Variants in STAT2 observed in about 807,000 individuals in gnomAD.
STAT2 encodes interferon alpha induced transcriptional activator.
STAT2 carries 51 observed loss-of-function variants against 122.3 expected under a neutral mutation model. The ratio of observed to expected loss-of-function variants is 0.42; its 90% CI spans 0.33 to 0.53. The LOEUF (loss-of-function observed/expected upper bound fraction) is 0.53, where lower values mean the gene tolerates loss of function less well. Ranked by LOEUF, STAT2 falls within the 20% of genes least tolerant of loss-of-function variation. The pLI is 0.10. For missense variants in STAT2, 736 were observed against 1,010.3 expected (o/e 0.73, Z 3.68); for synonymous variants, 351 against 394.9 (o/e 0.89, Z 1.32).
chr12:56,359,921 C>T, intron 1 of STAT2, 137 bp downstream of exon 1: 1 of 424,642 alleles, frequency 2.4e-6, no homozygotes, highest in Non-Finnish European at 3.2e-6. Context: ...ACCGAGCAGG[C>T]GACAGCTCCT....
At chr12:56,346,983 A>G (rs760392464) in intron 19 of STAT2, 28 bp from the exon 20 acceptor site, 3 of 1,608,650 alleles carry the variant, frequency 1.9e-6, no homozygotes, top group Admixed American at 1.7e-5. Flanking sequence ...GCTGTGAGAC[A>G]CCGCCCAACA....
At chr12:56,356,668 AAT>A in intron 1 of STAT2, 90 bp from the exon 2 acceptor site, 1 of 1,465,756 alleles carries the variant, frequency 6.8e-7, no homozygotes, top group Non-Finnish European at 9.1e-7. Context: ...ACTAATTTAA[AAT>A]GTTTAAATTA....
At chr12:56,345,310 T>C (rs1011173333) in intron 22 of STAT2, among the ~76,000 whole-genome samples, 1 of 147,200 alleles carries the variant, frequency 6.8e-6, no homozygotes, top group Non-Finnish European at 1.5e-5. Context: ...GGCAACACAG[T>C]GATACCCCAT....
At chr12:56,352,392 T>TG in intron 8 of STAT2, 1 of 58,294 alleles carries the variant, frequency 1.7e-5, no homozygotes, top group South Asian at 6.1e-4. Context: ...GGGGTGGGGG[T>TG]GGTTTCTGGC....
intron 8 of STAT2, among the ~76,000 whole-genome samples, chr12:56,353,995 CAAAAAAAA>C (rs1187550270): frequency 3.1e-4 from 4 of 12,764 alleles, no homozygotes; most frequent in African/African-American, 1.0e-3. Context: ...GACTCCGTCT[CAAAAAAAA>C]AAAAAAAAAA....
intron 21 of STAT2, 60 bp downstream of exon 21, chr12:56,346,382 A>G: frequency 6.2e-7 from 1 of 1,600,708 alleles, no homozygotes; most frequent in East Asian, 2.2e-5. Context: ...AAGGAGTGGG[A>G]TCTATGGATG....
chr12:56,346,898 C>G lies in STAT2; in HGVS notation c.1782G>C (p.Met594Ile), dbSNP rs2066807. Residue 594 changes from methionine (M) to isoleucine (I), a missense_variant, in exon 20 of 24, where the codon ATG becomes ATC. Met to Ile is a conservative substitution (Grantham distance 10, BLOSUM62 1). Coordinates refer to ENST00000314128, the MANE Select transcript of STAT2 (RefSeq NM_005419.4). Reference sequence around the variant, plus strand: ...TGAAGCGCAGTAGAAAGGTGCCAGACATGGTCTTCTTCAGCAGCCGGCGCT... The same window carrying G: ...TGAAGCGCAGTAGAAAGGTGCCAGAGATGGTCTTCTTCAGCAGCCGGCGCT... The part of the protein sequence containing the change: ...SQERRLLKKT[M>I]SGTFLLRFSE... 0.058 allele frequency: 93,983 copies of G among 1,614,160 alleles called. 3,148 individuals are homozygous for G. The highest frequency in any genetic ancestry group is 0.067 in the Non-Finnish European group (78,593 of 1,180,026).
intron 8 of STAT2, chr12:56,352,425 C>G (rs1347462513): frequency 7.3e-6 from 1 of 137,760 alleles, no homozygotes; most frequent in Non-Finnish European, 1.5e-5. Flanking sequence ...GCCTGCTAGA[C>G]AAATCCTAAA....
Position 56,354,565 on chromosome 12 carries a change from A to C in STAT2, c.683T>G (p.Ile228Ser). Residue 228 changes from isoleucine (I) to serine (S), a missense_variant, in exon 8 of 24, where the codon ATC (isoleucine) becomes AGC (serine). Ile to Ser is a moderately radical substitution (Grantham distance 142, BLOSUM62 -2). Coordinates refer to ENST00000314128, the MANE Select transcript of STAT2 (RefSeq NM_005419.4). ...KALLGRLTTL[I>S]ELLLPKLEEW... is the part of the protein sequence containing the mutation. ...CTCCAACTTTGGCAGCAGTAGCTCG[A>C]TTAGGGTAGTTAATCGGCCTAGCAG... 3 of 1,614,182 alleles carry C rather than the reference A, an allele frequency of 1.9e-6. No individual in the cohort carries two copies. The highest frequency in any genetic ancestry group is 2.5e-6 in the Non-Finnish European group (3 of 1,180,034).
At chr12:56,354,379 GA>G in intron 8 of STAT2, 86 bp downstream of exon 8, 1 of 1,582,484 alleles carries the variant, frequency 6.3e-7, no homozygotes, top group Non-Finnish European at 8.6e-7. Flanking sequence ...GACAAATAGA[GA>G]ACAGTATCTC....
chr12:56,347,648 C>T (rs887304807), intron 19 of STAT2, among the ~76,000 whole-genome samples: 13 of 151,810 alleles, frequency 8.6e-5, no homozygotes, highest in Admixed American at 2.0e-4. Context: ...ATTACAGGCG[C>T]CCACCACCAC....
chr12:56,356,178 G>A lies in STAT2; in HGVS notation c.239C>T (p.Ser80Phe). ...ECGRCSQDPE[S>F]LLLQHNLRKF... The stretch of plus-strand genomic sequence containing the variant: ...CCGCAAATTGTGCTGCAGCAACAAG[G>A]ACTCTGGGTCCTGGCTGCAACGGCC... The change falls in exon 3 of 24, where the codon TCC becomes TTC. Residue 80 changes from serine to phenylalanine, a missense_variant. Transcript: ENST00000314128. 1 of 1,614,146 alleles carries A rather than the reference G, an allele frequency of 6.2e-7. No homozygotes were observed. The highest frequency in any genetic ancestry group is 2.2e-5 in the East Asian group (1 of 44,886).
chr12:56,343,612 C>A, intron 23 of STAT2, 81 bp from the exon 24 acceptor site: 2 of 1,560,462 alleles, frequency 1.3e-6, no homozygotes, highest in Non-Finnish European at 1.7e-6. Flanking sequence ...GGGAGGATGG[C>A]AGGAAAGGCC....
chr12:56,350,724 T>A, intron 11 of STAT2, 105 bp downstream of exon 11: 1 of 1,214,036 alleles, frequency 8.2e-7, no homozygotes, highest in Non-Finnish European at 1.2e-6. Flanking sequence ...TGAGGTAGGA[T>A]TGGAAGGAGG....
In STAT2 at chr12:56,350,444, T is replaced by G. The variant is rs1878281166; in HGVS notation, c.1095-12A>C. 10 of 1,598,516 alleles carry G rather than the reference T, an allele frequency of 6.3e-6. No individual in the cohort carries two copies. The highest frequency in any genetic ancestry group is 7.7e-6 in the Non-Finnish European group (9 of 1,175,000). ...ATTGAGGAGGATTCCTGAAAAGAAA[T>G]AAATTTAAAAAAATCATTGGGCAAA... On this transcript the variant is annotated splice_polypyrimidine_tract_variant and intron_variant, in intron 11 of 23. Coordinates refer to ENST00000314128, the MANE Select transcript of STAT2 (RefSeq NM_005419.4).
chr12:56,349,743 C>T, intron 13 of STAT2, 107 bp from the exon 14 acceptor site: 1 of 1,449,838 alleles, frequency 6.9e-7, no homozygotes, highest in South Asian at 1.2e-5. Flanking sequence ...TTCCCCCAAC[C>T]CCTGTTCCTT....
chr12:56,348,398 A>G, intron 19 of STAT2, 131 bp downstream of exon 19: 1 of 911,110 alleles, frequency 1.1e-6, no homozygotes, highest in East Asian at 2.5e-5. Flanking sequence ...TATTATTGTT[A>G]ACAAATGTGA....
intron 12 of STAT2, 59 bp from the exon 13 acceptor site, chr12:56,350,249 G>GAAA: frequency 2.9e-5 from 35 of 1,203,398 alleles, no homozygotes; most frequent in Non-Finnish European, 3.6e-5. Flanking sequence ...AAACTCAGCA[G>GAAA]AAAAAAAAAA....
At chr12:56,352,017 C>T (rs1175508584) in intron 8 of STAT2, among the ~76,000 whole-genome samples, 1 of 152,002 alleles carries the variant, frequency 6.6e-6, no homozygotes, top group Non-Finnish European at 1.5e-5. Context: ...CTTGGCCTCC[C>T]GAGTAGCTGG....
Sources: allele counts gnomAD v4.1 joint callset (sites outside exome capture counted in the v4.1 genomes callset), GRCh38; gene constraint gnomAD v4.1.1; transcripts MANE v1.5; gene names NCBI Gene and HGNC (gene_info 2026-07-23, HGNC 2026-07-21).